KIFBP: variants seen among roughly 807,000 people sequenced by gnomAD.
The protein encoded by KIFBP is kinesin family binding protein.
KIFBP carries 46 observed loss-of-function variants against 58.9 expected under a neutral mutation model. The observed-to-expected ratio is 0.78, with a 90% confidence interval of 0.62 to 1.00. The LOEUF (loss-of-function observed/expected upper bound fraction) is 1.00. Among genes scored for constraint, KIFBP ranks in the 50% least tolerant of loss-of-function variants. KIFBP has a pLI of 0.00. For synonymous variants in KIFBP, 241 were observed against 283.4 expected, an observed-to-expected ratio of 0.85 and a Z score of 1.50; for missense variants, 651 against 752.9, an observed-to-expected ratio of 0.86 and a Z score of 1.58.
chr10:68,989,478 C>T, intron 1 of KIFBP: 1 of 602,852 alleles, frequency 1.7e-6, no homozygotes, highest in East Asian at 2.8e-5. Flanking sequence ...CGTCCCCAGA[C>T]TCCGTGTCCA....
At chr10:68,994,974 G>T (rs1468180016) in intron 1 of KIFBP, among the ~76,000 whole-genome samples, 1 of 151,830 alleles carries the variant, frequency 6.6e-6, no homozygotes, top group African/African-American at 2.4e-5. Context: ...CTGGGATCAT[G>T]TGAACCTTTC....
At position 69,015,584 on chromosome 10, in the gene KIFBP, G is replaced by A. The variant is rs761439410; in HGVS notation, c.1034G>A (p.Arg345Lys). ...ELDLDKQSEL[R>K]ALRKKELDEE... Reference sequence around the variant, plus strand: ...GATCTTGATAAACAGTCTGAACTTAGAGCTTTAAGGAAAAAAGAACTAGAT... The same window carrying A: ...GATCTTGATAAACAGTCTGAACTTAAAGCTTTAAGGAAAAAAGAACTAGAT... Residue 345 changes from arginine (R) to lysine (K), a missense_variant, in exon 7 of 7, where the codon AGA (arginine) becomes AAA (lysine). Transcript: ENST00000361983. 8 of 1,613,246 alleles carry A rather than the reference G, an allele frequency of 5.0e-6. No homozygotes were observed. Among genetic ancestry groups the A allele is most frequent in the Non-Finnish European group, 6.8e-6 (8 of 1,179,876 alleles).
At chr10:69,007,328 GT>G (rs1221019853) in intron 4 of KIFBP, among the ~76,000 whole-genome samples, 1 of 152,184 alleles carries the variant, frequency 6.6e-6, no homozygotes, top group African/African-American at 2.4e-5. Flanking sequence ...TTTGAACCAT[GT>G]TTTTAAAAAT....
chr10:69,010,819 A>G, intron 5 of KIFBP, 81 bp from the exon 6 acceptor site: 1 of 883,670 alleles, frequency 1.1e-6, no homozygotes, highest in Non-Finnish European at 1.9e-6. Flanking sequence ...GTCAGGAAAA[A>G]GTGATATTAA....
chr10:68,994,628 T>C (rs1223381670), intron 1 of KIFBP, among the ~76,000 whole-genome samples: 25 of 152,130 alleles, frequency 1.6e-4, no homozygotes, highest in Admixed American at 1.6e-3. Flanking sequence ...TAGATTGCTG[T>C]CCCCACTCCA....
At chr10:69,003,044 CAAA>C (rs5785887) in intron 2 of KIFBP, among the ~76,000 whole-genome samples, 8,389 of 105,528 alleles carry the variant, frequency 0.079, 206 homozygotes, top group Middle Eastern at 0.12. Flanking sequence ...CCCGTCTTTA[CAAA>C]AAAAAAAAAA....
chr10:69,005,197 A>G, intron 3 of KIFBP, 72 bp downstream of exon 3: 1 of 1,124,862 alleles, frequency 8.9e-7, no homozygotes. Flanking sequence ...TCAAAAAGTC[A>G]CTTATAAAGG....
At chr10:69,001,473 G>A (rs1843464774) in intron 2 of KIFBP, among the ~76,000 whole-genome samples, 2 of 152,024 alleles carry the variant, frequency 1.3e-5, no homozygotes, top group Admixed American at 6.6e-5. Flanking sequence ...CCATTAATAC[G>A]GCTGAGCATG....
intron 1 of KIFBP, among the ~76,000 whole-genome samples, chr10:68,997,044 T>C (rs1843414693): frequency 6.6e-6 from 1 of 152,170 alleles, no homozygotes; most frequent in Non-Finnish European, 1.5e-5. Context: ...CATAGCACTT[T>C]GGTCTTCCGG....
rs1398531577 is a variant in KIFBP at position 68,989,177 on chromosome 10, G to A, written c.345G>A (p.Glu115=). The A allele has an allele frequency of 1.9e-6, 3 of 1,613,644 alleles. No individual in the cohort carries two copies. The highest frequency in any genetic ancestry group is 2.5e-6 in the Non-Finnish European group (3 of 1,179,902). The change falls in exon 1 of 7, where the codon GAG becomes GAA. Residue 115 remains glutamate, a synonymous_variant. Coordinates refer to ENST00000361983, the MANE Select transcript of KIFBP (RefSeq NM_015634.4). ...HIDTEELSAG[E]EHLVKCLRLL... ...ACACGGAGGAGCTGTCGGCGGGGGAGGAGCACCTGGTGAAATGCCTGCGGC... is the reference window on the plus strand; with the variant it reads ...ACACGGAGGAGCTGTCGGCGGGGGAAGAGCACCTGGTGAAATGCCTGCGGC...
intron 6 of KIFBP, among the ~76,000 whole-genome samples, chr10:69,013,305 T>C (rs1426629930): frequency 6.6e-6 from 1 of 152,034 alleles, no homozygotes; most frequent in African/African-American, 2.4e-5. Context: ...ATCAGAAGCA[T>C]AGGTCTTGAA....
intron 6 of KIFBP, among the ~76,000 whole-genome samples, chr10:69,012,930 C>G (rs1309353191): frequency 6.6e-6 from 1 of 152,018 alleles, no homozygotes; most frequent in Non-Finnish European, 1.5e-5. Context: ...GGTTAATTGA[C>G]TCACAGTTCC....
chr10:68,993,382 G>T (rs1843371377), intron 1 of KIFBP, among the ~76,000 whole-genome samples: 1 of 152,056 alleles, frequency 6.6e-6, no homozygotes, highest in South Asian at 2.1e-4. Flanking sequence ...TCCCTTGTGG[G>T]TTAGTAATTT....
chr10:69,012,088 G>C (rs924543842), intron 6 of KIFBP, among the ~76,000 whole-genome samples: 10 of 152,162 alleles, frequency 6.6e-5, no homozygotes, highest in Non-Finnish European at 1.5e-4. Flanking sequence ...AATAGCTCAT[G>C]TAATAGTTCA....
chr10:68,994,493 C>G (rs1843383667), intron 1 of KIFBP, among the ~76,000 whole-genome samples: 1 of 150,710 alleles, frequency 6.6e-6, no homozygotes, highest in Non-Finnish European at 1.5e-5. Context: ...TTTCTGTCTT[C>G]TCTGGGTTCC....
At chr10:69,013,612 T>C (rs982219544) in intron 6 of KIFBP, among the ~76,000 whole-genome samples, 1 of 152,186 alleles carries the variant, frequency 6.6e-6, no homozygotes, top group African/African-American at 2.4e-5. Flanking sequence ...TTTGAAGTAA[T>C]TGTGTCAAGC....
intron 5 of KIFBP, among the ~76,000 whole-genome samples, chr10:69,009,972 T>C (rs1008492898): frequency 6.6e-6 from 1 of 152,162 alleles, no homozygotes; most frequent in Non-Finnish European, 1.5e-5. Context: ...TCAAAGTAAA[T>C]AGTTGCTTTC....
chr10:69,006,568 G>A (rs1417631090), intron 4 of KIFBP, among the ~76,000 whole-genome samples: 1 of 152,136 alleles, frequency 6.6e-6, no homozygotes, highest in Non-Finnish European at 1.5e-5. Context: ...TTTAATCCTT[G>A]AGAGTTTTTA....
Position 69,015,873 on chromosome 10 carries a change from GA to G in KIFBP, c.1324del (p.Arg442AspfsTer10), listed in dbSNP as rs1325319425. The G allele has an allele frequency of 6.2e-7, 1 of 1,614,040 alleles. No individual in the cohort carries two copies. Among genetic ancestry groups the G allele is most frequent in the African/African-American group, 1.3e-5 (1 of 74,912 alleles). On this transcript the variant is annotated frameshift_variant, in exon 7 of 7. Coordinates refer to ENST00000361983, the MANE Select transcript of KIFBP (RefSeq NM_015634.4). LOFTEE classifies it high-confidence loss of function. Reference sequence around the variant, plus strand: ...TTGCATTCTTTGAAACTGACATGGAGAGACGGTGCAAGATGCATAAACGCAG... The same window carrying G: ...TTGCATTCTTTGAAACTGACATGGAGGACGGTGCAAGATGCATAAACGCAG... ...VLAFFETDME[R>X]RCKMHKRRIA... is the part of the protein sequence containing the mutation.
Sources: allele counts gnomAD v4.1 joint callset (sites outside exome capture counted in the v4.1 genomes callset), GRCh38; gene constraint gnomAD v4.1.1; transcripts MANE v1.5; gene names NCBI Gene and HGNC (gene_info 2026-07-23, HGNC 2026-07-21).